Variants in ZFPM1 observed in about 807,000 individuals in gnomAD.
ZFPM1 encodes zinc finger protein, FOG family member 1, also known as zinc finger protein ZFPM1.
ZFPM1 carries 28 observed loss-of-function variants against 46.3 expected under a neutral mutation model. That is an observed-to-expected ratio of 0.60 (90% CI 0.45 to 0.83). The LOEUF (loss-of-function observed/expected upper bound fraction) is 0.83, where lower values mean the gene tolerates loss of function less well. Ranked by LOEUF, ZFPM1 falls within the 40% of genes least tolerant of loss-of-function variation. ZFPM1 has a pLI of 0.00. For synonymous variants in ZFPM1, 957 were observed against 675.9 expected (o/e 1.42, Z -6.45); for missense variants, 1,878 against 1,432.4 (o/e 1.31, Z -5.02).
At chr16:88,507,991 G>T (rs1910752907) in intron 3 of ZFPM1, among the ~76,000 whole-genome samples, 1 of 152,206 alleles carries the variant, frequency 6.6e-6, no homozygotes, top group Non-Finnish European at 1.5e-5. Flanking sequence ...AGTGGGTCGA[G>T]GATGTGTGAA....
At chr16:88,531,954 C>A in intron 6 of ZFPM1, 48 bp from the exon 7 acceptor site, 1 of 1,529,996 alleles carries the variant, frequency 6.5e-7, no homozygotes, top group Non-Finnish European at 8.9e-7. Flanking sequence ...CTTGCCCTGG[C>A]TGGCAGGCTG....
chr16:88,462,544 A>T (rs971239790), intron 1 of ZFPM1, among the ~76,000 whole-genome samples: 1 of 152,186 alleles, frequency 6.6e-6, no homozygotes, highest in East Asian at 1.9e-4. Context: ...TAGGACCTGC[A>T]TGGCTGCCTG....
rs1253848778 is a variant in ZFPM1, at chr16:88,514,368, C to T, written c.269-19C>T. ...GCCCCAGACCGGGCACGCCTCATGCCTGCGATGTCTCTCTGCAGACGAGCT... is the reference window on the plus strand; with the variant it reads ...GCCCCAGACCGGGCACGCCTCATGCTTGCGATGTCTCTCTGCAGACGAGCT... On this transcript the variant is annotated intron_variant, in intron 3 of 9. Transcript: ENST00000319555. 2 of 1,561,362 alleles carry T rather than the reference C, an allele frequency of 1.3e-6. No homozygotes were observed. Among genetic ancestry groups the T allele is most frequent in the South Asian group, 2.4e-5 (2 of 84,924 alleles).
chr16:88,524,142 G>A (rs545946822), intron 4 of ZFPM1, among the ~76,000 whole-genome samples: 9 of 152,318 alleles, frequency 5.9e-5, no homozygotes, highest in South Asian at 2.1e-4. Context: ...AGCACCCATC[G>A]GAGGATCAAG....
chr16:88,475,686 C>G (rs1674939450), intron 1 of ZFPM1, among the ~76,000 whole-genome samples: 1 of 152,190 alleles, frequency 6.6e-6, no homozygotes, highest in Admixed American at 6.5e-5. Context: ...ACACCTGGAT[C>G]TGTGCTATCT....
chr16:88,487,025 C>A (rs1909270592), intron 2 of ZFPM1, among the ~76,000 whole-genome samples: 1 of 152,210 alleles, frequency 6.6e-6, no homozygotes, highest in Non-Finnish European at 1.5e-5. Flanking sequence ...CCTCCACATT[C>A]CCTGGGCCCT....
chr16:88,533,556 C>G lies in ZFPM1; in HGVS notation c.1598C>G (p.Pro533Arg), dbSNP rs1324376133. ...ALFLPQYVFG[P>R]DAAPPASEIL... Reference sequence around the variant, plus strand: ...TTCCTTCCGCAGTACGTGTTCGGGCCCGACGCGGCGCCCCCCGCCTCGGAG... The same window carrying G: ...TTCCTTCCGCAGTACGTGTTCGGGCGCGACGCGGCGCCCCCCGCCTCGGAG... Residue 533 changes from proline (P) to arginine (R), a missense_variant, in exon 10 of 10, where the codon CCC (proline) becomes CGC (arginine). Physicochemically the swap from Pro to Arg is moderately radical, Grantham distance 103. Coordinates refer to ENST00000319555, the MANE Select transcript of ZFPM1 (RefSeq NM_153813.3). The G allele has an allele frequency of 2.0e-6, 3 of 1,480,944 alleles. 1 individual carries two copies. The South Asian group carries it at 3.7e-5, about 18-fold the overall frequency. The allele number at this position is 1,480,944 out of a possible 1,614,324, so 91.7% of individuals were successfully genotyped here. A position where few individuals can be genotyped will look rare whatever the true frequency, so the allele number is the denominator to read the frequency against.
At chr16:88,531,636 CG>C (rs1912792111) in intron 6 of ZFPM1, among the ~76,000 whole-genome samples, 1 of 152,320 alleles carries the variant, frequency 6.6e-6, no homozygotes, top group Admixed American at 6.5e-5. Flanking sequence ...CACGGCCTCC[CG>C]GGTCCACACG....
chr16:88,479,182 A>G (rs1297440256), intron 1 of ZFPM1, among the ~76,000 whole-genome samples: 1 of 152,080 alleles, frequency 6.6e-6, no homozygotes, highest in Non-Finnish European at 1.5e-5. Context: ...CCGAGTCCCA[A>G]CCGCGGGGCC....
rs569267483 is a variant in ZFPM1, at chr16:88,461,353, G to A, written c.40+7675G>A. Among the ~76,000 whole-genome samples the A allele has an allele frequency of 1.8e-3, 273 of 152,194 alleles. 8 individuals carry two copies. The South Asian group carries it at 0.031, about 17-fold the overall frequency. ...ATCCCCACCGCAGGGGCTTTGCCCC[G>A]CCACCTGGGCTGCACCCTCAGGGCT... is the stretch of plus-strand genomic sequence containing the variant. On this transcript the variant is annotated intron_variant, in intron 1 of 9. Transcript: ENST00000319555.
chr16:88,473,527 G>A (rs1597234619), intron 1 of ZFPM1, among the ~76,000 whole-genome samples: 1 of 152,212 alleles, frequency 6.6e-6, no homozygotes, highest in Non-Finnish European at 1.5e-5. Flanking sequence ...GGGTCTGGGT[G>A]CTGCGCCCCA....
Position 88,469,765 on chromosome 16 carries a change from A to T in ZFPM1, c.40+16087A>T, listed in dbSNP as rs1908327978. 6.6e-6 allele frequency among the ~76,000 whole-genome samples: 1 copy of T among 151,730 alleles called. No homozygotes were observed. Among genetic ancestry groups the T allele is most frequent in the South Asian group, 2.1e-4 (1 of 4,808 alleles). On this transcript the variant is annotated intron_variant, in intron 1 of 9. Coordinates refer to ENST00000319555, the MANE Select transcript of ZFPM1 (RefSeq NM_153813.3). This position sits in a 1 kb window ranked among gnomAD's most constrained non-coding sequence, Gnocchi z 4.3. ...GAAAATAGTGGCGGGGCGAGGAGAG[A>T]AAGAGTCTGGGCTGAGATCTAAGGA...
intron 3 of ZFPM1, among the ~76,000 whole-genome samples, chr16:88,496,204 A>C (rs1472421799): frequency 6.6e-6 from 1 of 152,078 alleles, no homozygotes; most frequent in East Asian, 1.9e-4. Flanking sequence ...GCCTCCTGGA[A>C]GGGTTTTCCA....
chr16:88,492,992 C>T lies in ZFPM1; in HGVS notation c.268+3839C>T, dbSNP rs559673683. On this transcript the variant is annotated intron_variant, in intron 3 of 9. Coordinates refer to ENST00000319555, the MANE Select transcript of ZFPM1 (RefSeq NM_153813.3). Reference sequence around the variant, plus strand: ...CTGTCCCAGGGAGCAGAGAGCTGTCCCAGGGTGTGGGGAGCTGTCCCGGGG... The same window carrying T: ...CTGTCCCAGGGAGCAGAGAGCTGTCTCAGGGTGTGGGGAGCTGTCCCGGGG... Among the ~76,000 whole-genome samples, 260 of 151,946 alleles carry T rather than the reference C, an allele frequency of 1.7e-3. 1 individual carries two copies. Among genetic ancestry groups the T allele is most frequent in the African/African-American group, 5.9e-3 (244 of 41,414 alleles).
At chr16:88,483,166 G>A (rs1159449076) in intron 1 of ZFPM1, among the ~76,000 whole-genome samples, 1 of 152,110 alleles carries the variant, frequency 6.6e-6, no homozygotes, top group Admixed American at 6.5e-5. Flanking sequence ...GAGGTGCTCT[G>A]AGGAGGCCGG....
At chr16:88,491,052 C>A (rs1909541779) in intron 3 of ZFPM1, among the ~76,000 whole-genome samples, 2 of 151,940 alleles carry the variant, frequency 1.3e-5, no homozygotes, top group African/African-American at 4.8e-5. Context: ...CTTCGGGGGT[C>A]TCGGTCAGGC....
rs1276552764 is a variant in ZFPM1 at position 88,519,200 on chromosome 16, A to G, written c.402+4680A>G. On this transcript the variant is annotated intron_variant, in intron 4 of 9. Coordinates refer to ENST00000319555, the MANE Select transcript of ZFPM1 (RefSeq NM_153813.3). Reference sequence around the variant, plus strand: ...GGATGGGTGGGTGGATGGGAGGGTAAATGGGTAGATGGACAGATGTGTAGG... The same window carrying G: ...GGATGGGTGGGTGGATGGGAGGGTAGATGGGTAGATGGACAGATGTGTAGG... Among the ~76,000 whole-genome samples, 281 of 82,472 alleles carry G rather than the reference A, an allele frequency of 3.4e-3. No homozygotes were observed. The Middle Eastern group carries it at 0.035, about 10-fold the overall frequency. 54.1% of individuals were successfully genotyped at this position (82,472 alleles called of 152,430 possible). A position where few individuals can be genotyped will look rare whatever the true frequency, so the allele number is the denominator to read the frequency against.
chr16:88,481,273 T>C (rs1187389486), intron 1 of ZFPM1, among the ~76,000 whole-genome samples: 3 of 152,158 alleles, frequency 2.0e-5, no homozygotes, highest in Non-Finnish European at 4.4e-5. Context: ...CACTGACCTC[T>C]GCCAGGCCAG....
At chr16:88,506,417 T>C (rs1313536219) in intron 3 of ZFPM1, among the ~76,000 whole-genome samples, 1 of 143,206 alleles carries the variant, frequency 7.0e-6, no homozygotes, top group Non-Finnish European at 1.5e-5. Flanking sequence ...TTCCCCTCAG[T>C]GAAATAGACT....
Sources: gnomAD v4.1 joint callset for allele counts (sites outside exome capture counted in the v4.1 genomes callset) on GRCh38, gnomAD v4.1.1 for gene constraint, Gnocchi (gnomAD v3.1) non-coding constraint, MANE v1.5 for transcripts, NCBI Gene and HGNC (gene_info 2026-07-23, HGNC 2026-07-21) for gene names.